The following ELOVL6 variants were observed in gnomAD, a reference collection of about 807,000 sequenced individuals.
ELOVL6 encodes ELOVL fatty acid elongase 6.
Under a neutral mutation model 31.7 loss-of-function variants are expected in ELOVL6, and 8 were observed. The observed-to-expected ratio is 0.25, with a 90% confidence interval of 0.15 to 0.45. The LOEUF (loss-of-function observed/expected upper bound fraction) is 0.45, where lower values mean the gene tolerates loss of function less well. ELOVL6 is among the 20% of genes least tolerant of loss of function. ELOVL6 has a pLI of 1.00. For missense variants in ELOVL6, 126 were observed against 326.4 expected, an observed-to-expected ratio of 0.39 and a Z score of 4.73; for synonymous variants, 101 against 117.7, an observed-to-expected ratio of 0.86 and a Z score of 0.92.
chr4:110,089,452 C>T (rs1245331405), intron 2 of ELOVL6, among the ~76,000 whole-genome samples: 2 of 152,036 alleles, frequency 1.3e-5, no homozygotes, highest in African/African-American at 2.4e-5. Flanking sequence ...ATTTTAGTAT[C>T]CTGGGTGGTT....
intron 1 of ELOVL6, among the ~76,000 whole-genome samples, chr4:110,179,615 A>T (rs1256383153): frequency 6.6e-6 from 1 of 152,258 alleles, no homozygotes; most frequent in Admixed American, 6.5e-5. Context: ...AGCTAATATT[A>T]AAGACAACTA....
intron 2 of ELOVL6, among the ~76,000 whole-genome samples, chr4:110,090,600 C>CTTGTTTT (rs1756392065): frequency 9.6e-6 from 1 of 103,714 alleles, no homozygotes; most frequent in Non-Finnish European, 1.8e-5. Context: ...GTTTGACTTT[C>CTTGTTTT]TTTTTTTTTT....
intron 2 of ELOVL6, among the ~76,000 whole-genome samples, chr4:110,095,343 G>A (rs571159942): frequency 1.3e-5 from 2 of 152,174 alleles, no homozygotes; most frequent in Non-Finnish European, 2.9e-5. Context: ...TTAGCTGGGC[G>A]TGGTGGCACA....
chr4:110,157,461 A>G (rs1273479677), intron 1 of ELOVL6, among the ~76,000 whole-genome samples: 1 of 152,156 alleles, frequency 6.6e-6, no homozygotes, highest in Non-Finnish European at 1.5e-5. Context: ...AAGTGAGGTC[A>G]GGAGTTCAAG....
At chr4:110,086,581 A>G (rs11726743) in intron 2 of ELOVL6, among the ~76,000 whole-genome samples, 20,306 of 152,148 alleles carry the variant, frequency 0.13, 1,443 homozygotes, top group African/African-American at 0.15. Context: ...AGAAGTTCCT[A>G]AGTGTGATTT....
chr4:110,126,775 A>G (rs1240102935), intron 1 of ELOVL6, among the ~76,000 whole-genome samples: 1 of 152,322 alleles, frequency 6.6e-6, no homozygotes, highest in South Asian at 2.1e-4. Flanking sequence ...TAAAAGTCTT[A>G]GAAGATTTTT....
chr4:110,198,675 T>G (rs1442775572), upstream of ELOVL6: 1 of 222,112 alleles, frequency 4.5e-6, no homozygotes, highest in African/African-American at 2.3e-5. Context: ...CTCCCCCTCG[T>G]GCGATTTGAG....
intron 1 of ELOVL6, among the ~76,000 whole-genome samples, chr4:110,160,536 A>G (rs914259284): frequency 6.6e-6 from 1 of 152,232 alleles, no homozygotes; most frequent in African/African-American, 2.4e-5. Flanking sequence ...TAATTTGCAT[A>G]GGCGTGCTAG....
intron 1 of ELOVL6, among the ~76,000 whole-genome samples, chr4:110,157,536 T>A (rs1578267090): frequency 6.6e-6 from 1 of 151,834 alleles, no homozygotes; most frequent in East Asian, 1.9e-4. Context: ...CTGCACGTGG[T>A]GGCATGCACC....
chr4:110,167,679 ATGTATG>A (rs1480636863), intron 1 of ELOVL6, among the ~76,000 whole-genome samples: 18 of 151,074 alleles, frequency 1.2e-4, no homozygotes, highest in African/African-American at 4.4e-4. Context: ...GTATGTATGT[ATGTATG>A]TATGTATGTA....
chr4:110,103,332 G>GA (rs1340319346), intron 2 of ELOVL6, among the ~76,000 whole-genome samples: 1 of 151,726 alleles, frequency 6.6e-6, no homozygotes, highest in Non-Finnish European at 1.5e-5. Context: ...CCATCAAAAG[G>GA]AATAGCAATG....
intron 1 of ELOVL6, among the ~76,000 whole-genome samples, chr4:110,126,551 A>G (rs983446813): frequency 6.6e-6 from 1 of 152,164 alleles, no homozygotes; most frequent in African/African-American, 2.4e-5. Flanking sequence ...TTATGTAACA[A>G]ATTTAAGAGG....
intron 1 of ELOVL6, among the ~76,000 whole-genome samples, chr4:110,125,774 C>T (rs1757473696): frequency 6.6e-6 from 1 of 151,532 alleles, no homozygotes; most frequent in Non-Finnish European, 1.5e-5. Flanking sequence ...TTGAAGTGAG[C>T]CAAGATGGCA....
At chr4:110,158,635 G>GTGTA (rs1463085529) in intron 1 of ELOVL6, among the ~76,000 whole-genome samples, 11 of 81,568 alleles carry the variant, frequency 1.3e-4, no homozygotes, top group African/African-American at 6.4e-4. Context: ...ATATACACGT[G>GTGTA]TATATATATA....
At chr4:110,086,253 G>C (rs1271928059) in intron 2 of ELOVL6, among the ~76,000 whole-genome samples, 1 of 152,128 alleles carries the variant, frequency 6.6e-6, no homozygotes, top group East Asian at 1.9e-4. Flanking sequence ...CTGGAACCAG[G>C]TATGTGCCCA....
At chr4:110,113,143 G>A (rs532032040) in intron 1 of ELOVL6, among the ~76,000 whole-genome samples, 2 of 149,322 alleles carry the variant, frequency 1.3e-5, no homozygotes, top group South Asian at 4.3e-4. Context: ...CAGGAGAATG[G>A]CGTGAACCTG....
intron 2 of ELOVL6, among the ~76,000 whole-genome samples, chr4:110,103,775 G>A (rs1756815087): frequency 7.5e-6 from 1 of 133,896 alleles, no homozygotes; most frequent in East Asian, 4.0e-4. Context: ...AAAGATATCA[G>A]TTAATGGAAG....
At chr4:110,053,494 A>G (rs1754889832) in intron 3 of ELOVL6, among the ~76,000 whole-genome samples, 2 of 152,156 alleles carry the variant, frequency 1.3e-5, no homozygotes, top group Admixed American at 1.3e-4. Context: ...CTATTATTTC[A>G]TATTTGTTTA....
At chr4:110,113,911 T>G (rs1392289404) in intron 1 of ELOVL6, among the ~76,000 whole-genome samples, 1 of 152,198 alleles carries the variant, frequency 6.6e-6, no homozygotes, top group Non-Finnish European at 1.5e-5. Flanking sequence ...AGGTAGCATA[T>G]TAATTTCCAA....
Sources: allele counts gnomAD v4.1 joint callset (sites outside exome capture counted in the v4.1 genomes callset), GRCh38; gene constraint gnomAD v4.1.1; transcripts MANE v1.5; gene names NCBI Gene and HGNC (gene_info 2026-07-23, HGNC 2026-07-21).